The following CD4 variants were observed in gnomAD, a reference collection of about 807,000 sequenced individuals.
The protein encoded by CD4 is T-cell surface glycoprotein CD4.
In CD4, 25 loss-of-function variants were observed where a neutral mutation model predicts 50.5. That is an observed-to-expected ratio of 0.49 (90% CI 0.36 to 0.69). The LOEUF is 0.69. Among genes scored for constraint, CD4 ranks in the 30% least tolerant of loss-of-function variants. The probability of loss-of-function intolerance (pLI) is 0.00; values close to 1 mark genes in which losing one functional copy is unlikely to be tolerated. For missense variants in CD4, 456 were observed against 548.5 expected, an observed-to-expected ratio of 0.83 and a Z score of 1.68; for synonymous variants, 207 against 221.9, an observed-to-expected ratio of 0.93 and a Z score of 0.60.
chr12:6,808,445 T>A (rs868991576), intron 3 of CD4, among the ~76,000 whole-genome samples: 2 of 57,968 alleles, frequency 3.5e-5, no homozygotes, highest in Non-Finnish European at 8.1e-5. Context: ...AGTGAGATTC[T>A]GTCTCAAAAA....
rs1402394616 is a variant in CD4 at position 6,814,529 on chromosome 12, C to A, written c.373+229C>A. ...GAAAAGGAAAGAAAAGGGAAGGAGG[C>A]AAGGGAAGGAGGGAGAGAGACTGGG... On this transcript the variant is annotated intron_variant, in intron 4 of 9. Transcript: ENST00000011653. 6.2e-6 allele frequency: 4 copies of A among 640,482 alleles called. No individual in the cohort carries two copies. In the African/African-American group the frequency reaches 7.5e-5, roughly 12 times the overall value. The allele number at this position is 640,482 out of a possible 1,614,324, so 39.7% of individuals were successfully genotyped here. A position where few individuals can be genotyped will look rare whatever the true frequency, so the allele number is the denominator to read the frequency against.
chr12:6,817,969 C>G (rs1943136800), intron 7 of CD4, among the ~76,000 whole-genome samples: 1 of 152,112 alleles, frequency 6.6e-6, no homozygotes, highest in Non-Finnish European at 1.5e-5. Flanking sequence ...ACGCATTATT[C>G]ACACATGTGC....
At chr12:6,794,796 T>G (rs903547803) in intron 1 of CD4, among the ~76,000 whole-genome samples, 7 of 141,674 alleles carry the variant, frequency 4.9e-5, no homozygotes, top group Non-Finnish European at 1.1e-4. Context: ...GTTTTTTTTT[T>G]TTTTTTGAGA....
chr12:6,813,701 A>T (rs1207085656), intron 3 of CD4: 1 of 155,096 alleles, frequency 6.4e-6, no homozygotes, highest in Non-Finnish European at 1.4e-5. Context: ...CATCCAAAGA[A>T]ATTGTACTGG....
At chr12:6,807,282 G>A (rs781872482) in intron 3 of CD4, among the ~76,000 whole-genome samples, 17 of 152,278 alleles carry the variant, frequency 1.1e-4, no homozygotes, top group South Asian at 4.1e-4. Context: ...GCACACAAAT[G>A]TTCATAGCAG....
At chr12:6,819,256 G>A (rs1943206234) in intron 9 of CD4, 43 bp from the exon 10 acceptor site, 25 of 1,607,906 alleles carry the variant, frequency 1.6e-5, no homozygotes, top group Non-Finnish European at 2.0e-5. Context: ...CAAAGGGGTT[G>A]CAGTGGGGAC....
Position 6,818,961 on chromosome 12 carries a change from G to C in CD4, c.1346+47G>C. 1.4e-6 allele frequency: 1 copy of C among 698,388 alleles called. No homozygotes were observed. Among genetic ancestry groups the C allele is most frequent in the Non-Finnish European group, 2.5e-6 (1 of 396,806 alleles). The allele number at this position is 698,388 out of a possible 1,614,324, so 43.3% of individuals were successfully genotyped here. ...TTGAGAGAGGGGAAAGGGGGAGGGG[G>C]AGGGAGTTAGAGAGGAGGGGGAGGA... is the stretch of plus-strand genomic sequence containing the variant. On this transcript the variant is annotated intron_variant, in intron 9 of 9. Transcript: ENST00000011653. This position sits in a 1 kb window ranked among gnomAD's most constrained non-coding sequence, Gnocchi z 5.0.
rs782503327 is a variant in CD4 at position 6,814,819 on chromosome 12, G to C, written c.434G>C (p.Ser145Thr). Residue 145 changes from serine to threonine, a missense_variant, in exon 5 of 10, where the codon AGC becomes ACC. Physicochemically the swap from Ser to Thr is moderately conservative, Grantham distance 58 (BLOSUM62 1). Transcript: ENST00000011653. ...CAGAGCCTGACCCTGACCTTGGAGA[G>C]CCCCCCTGGTAGTAGCCCCTCAGTG... ...QGQSLTLTLESPPGSSPSVQC... is the reference protein window; with the variant it reads ...QGQSLTLTLETPPGSSPSVQC... The C allele has an allele frequency of 6.2e-7, 1 of 1,613,408 alleles. No individual in the cohort carries two copies. The highest frequency in any genetic ancestry group is 1.7e-5 in the Admixed American group (1 of 59,904).
At chr12:6,800,284 T>C in intron 2 of CD4, 23 bp from the exon 3 acceptor site, 20 of 1,613,552 alleles carry the variant, frequency 1.2e-5, no homozygotes, top group Non-Finnish European at 1.7e-5. Context: ...CATTGAGACC[T>C]GACTCCTTTC....
In CD4 at chr12:6,814,886, G is replaced by C; in HGVS notation, c.501G>C (p.Lys167Asn). 6.2e-7 allele frequency: 1 copy of C among 1,613,580 alleles called. No individual in the cohort carries two copies. The highest frequency in any genetic ancestry group is 1.7e-5 in the Admixed American group (1 of 59,970). ...GGGGTAAAAACATACAGGGGGGGAAGACCCTCTCCGTGTCTCAGCTGGAGC... is the reference window on the plus strand; with the variant it reads ...GGGGTAAAAACATACAGGGGGGGAACACCCTCTCCGTGTCTCAGCTGGAGC... ...SPRGKNIQGGKTLSVSQLELQ... is the reference protein window; with the variant it reads ...SPRGKNIQGGNTLSVSQLELQ... The change falls in exon 5 of 10, where the codon AAG (lysine) becomes AAC (asparagine). Residue 167 changes from lysine to asparagine, a missense_variant. Coordinates refer to ENST00000011653, the MANE Select transcript of CD4 (RefSeq NM_000616.5).
chr12:6,803,484 T>A (rs1435120971), intron 3 of CD4, among the ~76,000 whole-genome samples: 1 of 151,684 alleles, frequency 6.6e-6, no homozygotes, highest in African/African-American at 2.4e-5. Flanking sequence ...AAAGGTGTTA[T>A]TATAAGAATT....
At position 6,818,032 on chromosome 12, in the gene CD4, A is replaced by G. The variant is rs1322871900; in HGVS notation, c.1157-389A>G. 2.0e-5 allele frequency among the ~76,000 whole-genome samples: 3 copies of G among 151,434 alleles called. No homozygotes were observed. Among genetic ancestry groups the G allele is most frequent in the Non-Finnish European group, 2.9e-5 (2 of 67,886 alleles). On this transcript the variant is annotated intron_variant, in intron 7 of 9. Transcript: ENST00000011653. The surrounding 1 kb of genome is among the most constrained non-coding windows in gnomAD (Gnocchi z 5.0). ...CACGCACACACATTCATACACGCACACAGGCACACATTCACACACATGCAC... is the reference window on the plus strand; with the variant it reads ...CACGCACACACATTCATACACGCACGCAGGCACACATTCACACACATGCAC...
In CD4 at chr12:6,800,512, T is replaced by C. The variant is rs907570206; in HGVS notation, c.214+41T>C. 5 of 1,554,274 alleles carry C rather than the reference T, an allele frequency of 3.2e-6. No homozygotes were observed. The African/African-American group carries it at 5.5e-5, about 17-fold the overall frequency. ...TCCCCATCCAGGGAGGAAAACACAC[T>C]ATGGAGTGAAAGCCTTTGGTGTCTG... On this transcript the variant is annotated intron_variant, in intron 3 of 9. Transcript: ENST00000011653.
At chr12:6,798,255 T>C (rs1453140698) in intron 1 of CD4, among the ~76,000 whole-genome samples, 3 of 136,202 alleles carry the variant, frequency 2.2e-5, no homozygotes, top group South Asian at 2.2e-4. Flanking sequence ...CTGCCACCTC[T>C]GCCTCCCGGG....
intron 3 of CD4, among the ~76,000 whole-genome samples, chr12:6,808,038 C>A (rs1417136465): frequency 2.1e-5 from 3 of 143,578 alleles, no homozygotes; most frequent in Non-Finnish European, 4.5e-5. Context: ...CGAGATCACG[C>A]CACTACACTG....
intron 1 of CD4, among the ~76,000 whole-genome samples, chr12:6,795,098 C>CTCTATCTATGTATCTATCTA (rs1555114242): frequency 1.4e-5 from 2 of 147,104 alleles, no homozygotes; most frequent in Admixed American, 1.4e-4. Flanking sequence ...AAATGTCTGT[C>CTCTATCTATGTATCTATCTA]TCTATCTATC....
chr12:6,807,595 A>G (rs1942804041), intron 3 of CD4, among the ~76,000 whole-genome samples: 1 of 152,190 alleles, frequency 6.6e-6, no homozygotes, highest in South Asian at 2.1e-4. Context: ...GTATGGCTAC[A>G]AAAAGCAACA....
chr12:6,817,261 C>G lies in CD4; in HGVS notation c.1087C>G (p.Pro363Ala), dbSNP rs1555118105. 3 of 1,600,930 alleles carry G rather than the reference C, an allele frequency of 1.9e-6. No homozygotes were observed. The highest frequency in any genetic ancestry group is 1.7e-5 in the Admixed American group (1 of 57,622). ...GGAGAAGGCGGTGTGGGTGCTGAAC[C>G]CTGAGGCGGGGATGTGGCAGTGTCT... The part of the protein sequence containing the change: ...KREKAVWVLN[P>A]EAGMWQCLLS... Residue 363 changes from proline (P) to alanine (A), a missense_variant, in exon 7 of 10, where the codon CCT becomes GCT. Transcript: ENST00000011653.
In CD4 at chr12:6,818,094, ACACGCGCG is replaced by A. The variant is rs1432060564; in HGVS notation, c.1157-323_1157-316del. 1.1e-3 allele frequency among the ~76,000 whole-genome samples: 50 copies of A among 43,756 alleles called. No homozygotes were observed. The highest frequency in any genetic ancestry group is 5.4e-3 in the East Asian group (2 of 370). The allele number at this position is 43,756 out of a possible 152,430, so 28.7% of individuals were successfully genotyped here. ...CATTCACACATGGACTCACACGCGC[ACACGCGCG>A]CACACACACACATTCACACCATTCA... On this transcript the variant is annotated intron_variant, in intron 7 of 9. Transcript: ENST00000011653. This position sits in a 1 kb window ranked among gnomAD's most constrained non-coding sequence, Gnocchi z 5.0.
Sources: allele counts gnomAD v4.1 joint callset (sites outside exome capture counted in the v4.1 genomes callset), GRCh38; gene constraint gnomAD v4.1.1; non-coding constraint Gnocchi (gnomAD v3.1); transcripts MANE v1.5; gene names NCBI Gene and HGNC (gene_info 2026-07-23, HGNC 2026-07-21).